The following NACC2 variants were observed in gnomAD, a reference collection of about 807,000 sequenced individuals.
NACC2 encodes NACC family member 2.
In NACC2, 8 loss-of-function variants were observed where a neutral mutation model predicts 25.1. The ratio of observed to expected loss-of-function variants is 0.32; its 90% CI spans 0.19 to 0.57. The LOEUF (loss-of-function observed/expected upper bound fraction) is 0.57. NACC2 is among the 20% of genes least tolerant of loss of function. The pLI, the probability that NACC2 is intolerant of heterozygous loss-of-function variation, is 0.89. For synonymous variants in NACC2, 435 were observed against 294.7 expected, an observed-to-expected ratio of 1.48 and a Z score of -4.88; for missense variants, 644 against 650.2, an observed-to-expected ratio of 0.99 and a Z score of 0.10.
intron 1 of NACC2, among the ~76,000 whole-genome samples, chr9:136,076,334 C>T (rs950211705): frequency 1.3e-5 from 2 of 152,188 alleles, no homozygotes; most frequent in South Asian, 4.1e-4. Context: ...CAAATGTTCT[C>T]TGAGCCAGGT....
chr9:136,015,459 T>C (rs974549088), intron 3 of NACC2, among the ~76,000 whole-genome samples: 11 of 152,110 alleles, frequency 7.2e-5, no homozygotes, highest in Admixed American at 6.5e-4. Context: ...AGGACCGAAG[T>C]CCCTGGCAGC....
At chr9:136,012,825 G>A (rs1007612133) in intron 5 of NACC2, among the ~76,000 whole-genome samples, 3 of 152,234 alleles carry the variant, frequency 2.0e-5, no homozygotes, top group African/African-American at 7.2e-5. Flanking sequence ...GAGATGGACC[G>A]GGCTCCGCCC....
At chr9:136,074,559 G>C (rs928277089) in intron 1 of NACC2, among the ~76,000 whole-genome samples, 3 of 150,970 alleles carry the variant, frequency 2.0e-5, no homozygotes, top group African/African-American at 7.3e-5. Flanking sequence ...TTAAAATTAT[G>C]TATCATCCCT....
intron 1 of NACC2, among the ~76,000 whole-genome samples, chr9:136,062,851 A>G (rs1564235645): frequency 1.3e-5 from 2 of 152,220 alleles, no homozygotes; most frequent in Admixed American, 1.3e-4. Context: ...TGGGAGGCCG[A>G]GGCCGCAGTG....
At chr9:136,024,987 A>T (rs1475125100) in intron 2 of NACC2, among the ~76,000 whole-genome samples, 1 of 152,232 alleles carries the variant, frequency 6.6e-6, no homozygotes, top group Non-Finnish European at 1.5e-5. Context: ...ACTACTAAGT[A>T]GCCATGCATG....
At position 136,055,205 on chromosome 9, in the gene NACC2, C is replaced by G. The variant is rs898894701; in HGVS notation, c.-59-4625G>C. Among the ~76,000 whole-genome samples the G allele has an allele frequency of 1.3e-5, 2 of 152,154 alleles. No homozygotes were observed. Among genetic ancestry groups the G allele is most frequent in the Non-Finnish European group, 2.9e-5 (2 of 68,018 alleles). On this transcript the variant is annotated intron_variant, in intron 1 of 5. Coordinates refer to ENST00000277554, the MANE Select transcript of NACC2 (RefSeq NM_144653.5). This position sits in a 1 kb window ranked among gnomAD's most constrained non-coding sequence, Gnocchi z 4.9. ...GGGTGAGAGGAGCCCGCGGGGAGGACAGGGGCTCACTGGAACTGCAGCCAG... is the reference window on the plus strand; with the variant it reads ...GGGTGAGAGGAGCCCGCGGGGAGGAGAGGGGCTCACTGGAACTGCAGCCAG...
intron 2 of NACC2, among the ~76,000 whole-genome samples, chr9:136,043,037 CACACACACACAGAA>C (rs1444436081): frequency 1.3e-5 from 2 of 151,904 alleles, no homozygotes; most frequent in East Asian, 1.9e-4. Flanking sequence ...CACACACAGA[CACACACACACAGAA>C]CACAGAATTT....
rs1384780034 is a variant in NACC2 at position 136,022,280 on chromosome 9, C to T, written c.887-5851G>A. On this transcript the variant is annotated intron_variant, in intron 2 of 5. Transcript: ENST00000277554. The surrounding 1 kb of genome is among the most constrained non-coding windows in gnomAD (Gnocchi z 4.4). ...CCGGGTGATGAGGTAACGGGTGCCC[C>T]ACATGCAGTGGGCCTCGGGGAGATG... is the stretch of plus-strand genomic sequence containing the variant. Among the ~76,000 whole-genome samples, 1 of 152,182 alleles carries T rather than the reference C, an allele frequency of 6.6e-6. No individual in the cohort carries two copies. Among genetic ancestry groups the T allele is most frequent in the Non-Finnish European group, 1.5e-5 (1 of 68,022 alleles).
intron 1 of NACC2, among the ~76,000 whole-genome samples, chr9:136,085,607 G>A (rs539161842): frequency 6.6e-6 from 1 of 152,356 alleles, no homozygotes; most frequent in South Asian, 2.1e-4. Flanking sequence ...GGGCCTGGGA[G>A]GCGGCTGCCA....
Position 136,011,331 on chromosome 9 carries a change from G to T in NACC2, c.*185C>A. On this transcript the variant is annotated 3_prime_UTR_variant, in exon 6 of 6. Transcript: ENST00000277554. ...GCAGGAGGCTGCCAGTGGCCTAATT[G>T]TTTACAGTATAATGAATGCATTTGT... 1.5e-6 allele frequency: 1 copy of T among 654,398 alleles called. No homozygotes were observed. The highest frequency in any genetic ancestry group is 2.2e-6 in the Non-Finnish European group (1 of 458,856). 40.5% of individuals were successfully genotyped at this position (654,398 alleles called of 1,614,324 possible). A position where few individuals can be genotyped will look rare whatever the true frequency, so the allele number is the denominator to read the frequency against.
At position 136,055,205 on chromosome 9, in the gene NACC2, CAG is replaced by C. The variant is rs565826123; in HGVS notation, c.-59-4627_-59-4626del. On this transcript the variant is annotated intron_variant, in intron 1 of 5. Coordinates refer to ENST00000277554, the MANE Select transcript of NACC2 (RefSeq NM_144653.5). This position sits in a 1 kb window ranked among gnomAD's most constrained non-coding sequence, Gnocchi z 4.9. ...GGGTGAGAGGAGCCCGCGGGGAGGA[CAG>C]GGGCTCACTGGAACTGCAGCCAGAC... Among the ~76,000 whole-genome samples the C allele has an allele frequency of 2.2e-3, 328 of 152,272 alleles. 2 individuals carry two copies. The highest frequency in any genetic ancestry group is 0.018 in the East Asian group (93 of 5,172).
chr9:136,088,009 A>T (rs1199292315), intron 1 of NACC2, among the ~76,000 whole-genome samples: 1 of 146,674 alleles, frequency 6.8e-6, no homozygotes, highest in Non-Finnish European at 1.5e-5. Context: ...TGACCTGGGG[A>T]CTCTGCTGAG....
intron 2 of NACC2, among the ~76,000 whole-genome samples, chr9:136,037,012 C>T (rs1378856719): frequency 6.6e-6 from 1 of 152,130 alleles, no homozygotes; most frequent in African/African-American, 2.4e-5. Flanking sequence ...CACAGAAGAA[C>T]ATAGATAAGG....
chr9:136,023,929 A>G (rs1840335025), intron 2 of NACC2, among the ~76,000 whole-genome samples: 1 of 152,216 alleles, frequency 6.6e-6, no homozygotes, highest in Non-Finnish European at 1.5e-5. Context: ...ACACACGTGC[A>G]TGCCCCCAAC....
rs1349854698 is a variant in NACC2 at position 136,013,216 on chromosome 9, A to G, written c.1238T>C (p.Val413Ala). ...GCTCTTACATTTCACAGCGTTCAGG[A>G]CCCGGCTGTCCAGCGGCTTCCGGCT... The part of the protein sequence containing the change: ...DPSRKPLDSR[V>A]LNAVKLYCQN... Residue 413 changes from valine (V) to alanine (A), a missense_variant, in exon 5 of 6, where the codon GTC (valine) becomes GCC (alanine). By Grantham distance (64) the Val-to-Ala change is moderately conservative. Transcript: ENST00000277554. The surrounding 1 kb of genome is among the most constrained non-coding windows in gnomAD (Gnocchi z 6.6). 7.0e-7 allele frequency: 1 copy of G among 1,426,558 alleles called. No individual in the cohort carries two copies. The highest frequency in any genetic ancestry group is 1.5e-5 in the African/African-American group (1 of 66,782). The allele number at this position is 1,426,558 out of a possible 1,614,324, so 88.4% of individuals were successfully genotyped here.
rs1352371177 is a variant in NACC2 at position 136,007,886 on chromosome 9, C to T, written c.*3630G>A. The T allele has an allele frequency of 1.3e-5, 2 of 152,268 alleles. No individual in the cohort carries two copies. The highest frequency in any genetic ancestry group is 2.9e-5 in the Non-Finnish European group (2 of 68,078). 9.4% of individuals were successfully genotyped at this position (152,268 alleles called of 1,614,324 possible). A position where few individuals can be genotyped will look rare whatever the true frequency, so the allele number is the denominator to read the frequency against. ...TTTCAGCTGTCGAATGAGGACAGGT[C>T]AGGGTCAGGCACTAGAGCCCCCTCA... is the stretch of plus-strand genomic sequence containing the variant. On this transcript the variant is annotated 3_prime_UTR_variant, in exon 6 of 6. Transcript: ENST00000277554.
intron 1 of NACC2, among the ~76,000 whole-genome samples, chr9:136,050,906 G>A (rs920406079): frequency 6.6e-6 from 1 of 152,176 alleles, no homozygotes; most frequent in Non-Finnish European, 1.5e-5. Flanking sequence ...GCCTGAACCT[G>A]CCCCGGGACA....
chr9:136,083,604 A>C (rs989632500), intron 1 of NACC2, among the ~76,000 whole-genome samples: 1 of 151,954 alleles, frequency 6.6e-6, no homozygotes, highest in Non-Finnish European at 1.5e-5. Context: ...CGCCGTGCAG[A>C]GGCCAGGCCG....
intron 1 of NACC2, among the ~76,000 whole-genome samples, chr9:136,076,333 T>C (rs1409124984): frequency 6.6e-6 from 1 of 152,150 alleles, no homozygotes; most frequent in Non-Finnish European, 1.5e-5. Context: ...TCAAATGTTC[T>C]CTGAGCCAGG....
Sources: allele counts gnomAD v4.1 joint callset (sites outside exome capture counted in the v4.1 genomes callset), GRCh38; gene constraint gnomAD v4.1.1; non-coding constraint Gnocchi (gnomAD v3.1); transcripts MANE v1.5; gene names NCBI Gene and HGNC (gene_info 2026-07-23, HGNC 2026-07-21).